Variants in ADAMTS17 observed in about 807,000 individuals in gnomAD.
ADAMTS17 encodes the protein A disintegrin and metalloproteinase with thrombospondin motifs 17.
In ADAMTS17, 113 loss-of-function variants were observed where a neutral mutation model predicts 141.5. That is an observed-to-expected ratio of 0.80 (90% CI 0.69 to 0.93). ADAMTS17 has a LOEUF of 0.93. ADAMTS17 is among the 40% of genes least tolerant of loss of function. The pLI is 0.00. For synonymous variants in ADAMTS17, 768 were observed against 630.6 expected (o/e 1.22, Z -3.27); for missense variants, 1,659 against 1,517.9 (o/e 1.09, Z -1.54).
chr15:100,000,923 T>A lies in ADAMTS17; in HGVS notation c.2592-3334A>T, dbSNP rs546140688. The stretch of plus-strand genomic sequence containing the variant: ...GAATAAAAACGTATGCTTATTTCTC[T>A]CATTGCTCCTGAGAAATGGTGAAAG... On this transcript the variant is annotated intron_variant, in intron 18 of 21. Coordinates refer to ENST00000268070, the MANE Select transcript of ADAMTS17 (RefSeq NM_139057.4). 4.6e-5 allele frequency among the ~76,000 whole-genome samples: 7 copies of A among 152,342 alleles called. No individual in the cohort carries two copies. The East Asian group carries it at 1.4e-3, about 29-fold the overall frequency.
chr15:100,190,494 T>C (rs559630657), intron 8 of ADAMTS17, among the ~76,000 whole-genome samples: 5 of 151,152 alleles, frequency 3.3e-5, no homozygotes, highest in African/African-American at 1.2e-4. Flanking sequence ...AGGCCACAGG[T>C]TGGGTTTTCC....
intron 15 of ADAMTS17, among the ~76,000 whole-genome samples, chr15:100,082,173 C>T (rs1022848194): frequency 6.6e-6 from 1 of 152,144 alleles, no homozygotes; most frequent in African/African-American, 2.4e-5. Flanking sequence ...TCAAGCGATT[C>T]TCCTGCCTCG....
chr15:100,026,847 C>A (rs2061524457), intron 18 of ADAMTS17, among the ~76,000 whole-genome samples: 1 of 152,220 alleles, frequency 6.6e-6, no homozygotes, highest in African/African-American at 2.4e-5. Context: ...ATTTCTGGGT[C>A]ATGAGAATTT....
At chr15:100,200,651 G>A (rs1195377824) in intron 7 of ADAMTS17, among the ~76,000 whole-genome samples, 2 of 152,206 alleles carry the variant, frequency 1.3e-5, no homozygotes, top group Non-Finnish European at 2.9e-5. Context: ...TCCCCTGGCT[G>A]TGCAGTCACA....
At chr15:100,144,839 G>A (rs1055202849) in intron 10 of ADAMTS17, among the ~76,000 whole-genome samples, 5 of 150,798 alleles carry the variant, frequency 3.3e-5, no homozygotes, top group African/African-American at 1.2e-4. Flanking sequence ...GAACAGTGTG[G>A]GCTCATCTTG....
intron 14 of ADAMTS17, among the ~76,000 whole-genome samples, chr15:100,100,444 C>T (rs1216186567): frequency 6.6e-6 from 1 of 152,210 alleles, no homozygotes; most frequent in East Asian, 1.9e-4. Context: ...GTCTGCTGAG[C>T]AATCTCTCCA....
At chr15:99,976,819 G>A (rs1020673608) in intron 20 of ADAMTS17, among the ~76,000 whole-genome samples, 2 of 152,218 alleles carry the variant, frequency 1.3e-5, no homozygotes, top group African/African-American at 2.4e-5. Context: ...AAGCCACCAG[G>A]CTTCGGTACT....
chr15:100,116,887 G>A lies in ADAMTS17; in HGVS notation c.1848C>T (p.Ser616=), dbSNP rs757568779. ...DQQCQAHDRL[S]PKKKGLLTAV... is the part of the protein sequence containing the mutation. ...CTGTCAGCAGGCCTTTCTTCTTGGGGCTCAGCCGGTCGTGTGCCTGGCACT... is the reference window on the plus strand; with the variant it reads ...CTGTCAGCAGGCCTTTCTTCTTGGGACTCAGCCGGTCGTGTGCCTGGCACT... Residue 616 remains serine (S), a synonymous_variant, in exon 13 of 22, where the codon AGC becomes AGT. Transcript: ENST00000268070. The A allele has an allele frequency of 6.2e-7, 1 of 1,614,164 alleles. No individual in the cohort carries two copies. The highest frequency in any genetic ancestry group is 8.5e-7 in the Non-Finnish European group (1 of 1,180,036).
chr15:100,021,080 G>A (rs997344954), intron 18 of ADAMTS17, among the ~76,000 whole-genome samples: 18 of 152,108 alleles, frequency 1.2e-4, no homozygotes, highest in African/African-American at 3.9e-4. Context: ...ATAACTGTTT[G>A]AGGACCTTAT....
chr15:100,079,855 G>A (rs2034617468), intron 15 of ADAMTS17, among the ~76,000 whole-genome samples: 1 of 152,200 alleles, frequency 6.6e-6, no homozygotes, highest in African/African-American at 2.4e-5. Context: ...AGCTAAAGAG[G>A]TGTGGCAGTG....
intron 7 of ADAMTS17, among the ~76,000 whole-genome samples, chr15:100,205,569 T>C (rs1166922176): frequency 2.6e-5 from 4 of 151,956 alleles, no homozygotes; most frequent in Non-Finnish European, 5.9e-5. Context: ...GTGCCTCTCT[T>C]CGGAGAACCC....
rs111541096 is a variant in ADAMTS17 at position 100,243,651 on chromosome 15, G to A, written c.1075+10485C>T. Among the ~76,000 whole-genome samples, 906 of 152,184 alleles carry A rather than the reference G, an allele frequency of 6.0e-3. 6 individuals carry two copies. The highest frequency in any genetic ancestry group is 0.02 in the Middle Eastern group (6 of 294). ...CTAAAAATACAAAAATTAGCCAGGC[G>A]TAATGGCGCATGCCTGTAATCCCAG... is the stretch of plus-strand genomic sequence containing the variant. On this transcript the variant is annotated intron_variant, in intron 7 of 21. Transcript: ENST00000268070.
At chr15:100,310,855 A>G (rs913610700) in intron 3 of ADAMTS17, among the ~76,000 whole-genome samples, 3 of 152,108 alleles carry the variant, frequency 2.0e-5, no homozygotes, top group Non-Finnish European at 4.4e-5. Context: ...AGTTTGTGCA[A>G]CCCCATACAG....
At chr15:100,176,415 G>T (rs559363467) in intron 8 of ADAMTS17, among the ~76,000 whole-genome samples, 1 of 152,318 alleles carries the variant, frequency 6.6e-6, no homozygotes, top group South Asian at 2.1e-4. Flanking sequence ...CAGAAATCAT[G>T]ACTTAATTGG....
chr15:100,219,731 G>C (rs2042074589), intron 7 of ADAMTS17, among the ~76,000 whole-genome samples: 1 of 152,188 alleles, frequency 6.6e-6, no homozygotes, highest in African/African-American at 2.4e-5. Context: ...AATTCTGACT[G>C]TTCTGGGTAA....
chr15:100,334,466 G>A (rs2046147767), intron 2 of ADAMTS17, among the ~76,000 whole-genome samples: 1 of 152,192 alleles, frequency 6.6e-6, no homozygotes, highest in African/African-American at 2.4e-5. Flanking sequence ...ACGGGGTGGT[G>A]AGTTTGCTTC....
rs561377639 is a variant in ADAMTS17, at chr15:100,147,954, T to C, written c.1473+4658A>G. On this transcript the variant is annotated intron_variant, in intron 10 of 21. Transcript: ENST00000268070. Reference sequence around the variant, plus strand: ...CGAGGCTGTGAGGTTTCCTCGCCTTTTCCAGCTTCTCATGGCTGTTGCATT... The same window carrying C: ...CGAGGCTGTGAGGTTTCCTCGCCTTCTCCAGCTTCTCATGGCTGTTGCATT... Among the ~76,000 whole-genome samples the C allele has an allele frequency of 1.3e-4, 20 of 152,376 alleles. No individual in the cohort carries two copies. In the South Asian group the frequency reaches 3.3e-3, roughly 25 times the overall value.
intron 7 of ADAMTS17, among the ~76,000 whole-genome samples, chr15:100,233,675 A>T (rs1334737141): frequency 6.6e-6 from 1 of 152,160 alleles, no homozygotes; most frequent in African/African-American, 2.4e-5. Context: ...ATAACTGAAA[A>T]CTAAATGGAG....
At chr15:100,089,992 T>TA (rs71676052) in intron 15 of ADAMTS17, among the ~76,000 whole-genome samples, 2,980 of 136,262 alleles carry the variant, frequency 0.022, 59 homozygotes, top group African/African-American at 0.046. Context: ...ATAATAAAAT[T>TA]AAAAAAAAAA....
Sources: gnomAD v4.1 joint callset for allele counts (sites outside exome capture counted in the v4.1 genomes callset) on GRCh38, gnomAD v4.1.1 for gene constraint, MANE v1.5 for transcripts, NCBI Gene and HGNC (gene_info 2026-07-23, HGNC 2026-07-21) for gene names.